HEMK2: variants seen among roughly 807,000 people sequenced by gnomAD.
HEMK2 encodes the protein methyltransferase HEMK2.
chr21:28,754,032 GTGTT>G, the HEMK2 span, among the ~76,000 whole-genome samples: 71 of 152,252 alleles, frequency 4.7e-4, no homozygotes, highest in Non-Finnish European at 9.4e-4. Flanking sequence ...CATTCAGTAC[GTGTT>G]TGGAGTGAAG....
chr21:28,669,683 C>G, the HEMK2 span, among the ~76,000 whole-genome samples: 1 of 152,202 alleles, frequency 6.6e-6, no homozygotes, highest in African/African-American at 2.4e-5. Context: ...CCAAGCCCAG[C>G]TGGACCCAAC....
the HEMK2 span, among the ~76,000 whole-genome samples, chr21:28,622,059 C>A: frequency 1.3e-5 from 2 of 152,182 alleles, no homozygotes; most frequent in South Asian, 2.1e-4. Flanking sequence ...TCATTTTGAG[C>A]CTATGTATGT....
At chr21:28,868,047 G>C in the HEMK2 span, among the ~76,000 whole-genome samples, 3 of 152,088 alleles carry the variant, frequency 2.0e-5, no homozygotes, top group Non-Finnish European at 1.5e-5. Flanking sequence ...TTGTTCTGCA[G>C]TTCCATTTCA....
At chr21:28,763,352 C>G in the HEMK2 span, among the ~76,000 whole-genome samples, 37 of 152,226 alleles carry the variant, frequency 2.4e-4, no homozygotes, top group African/African-American at 7.0e-4. Context: ...GAAGCTGAAG[C>G]AGGAACAAGC....
the HEMK2 span, among the ~76,000 whole-genome samples, chr21:28,784,372 T>C: frequency 1.3e-5 from 2 of 152,102 alleles, no homozygotes; most frequent in African/African-American, 4.8e-5. Flanking sequence ...ATCAGCACCC[T>C]GTGTCTAGCT....
At chr21:28,773,872 C>A in the HEMK2 span, among the ~76,000 whole-genome samples, 1 of 152,240 alleles carries the variant, frequency 6.6e-6, no homozygotes, top group Admixed American at 6.5e-5. Context: ...TCCCAAGCTG[C>A]AATCTGTGGC....
the HEMK2 span, among the ~76,000 whole-genome samples, chr21:28,831,651 G>GA: frequency 1.6e-4 from 5 of 32,032 alleles, no homozygotes; most frequent in South Asian, 1.1e-3. Context: ...AAGAAAGAAA[G>GA]AAAGAAAGAA....
At chr21:28,808,206 G>C in the HEMK2 span, among the ~76,000 whole-genome samples, 15 of 152,226 alleles carry the variant, frequency 9.9e-5, no homozygotes, top group African/African-American at 2.9e-4. Flanking sequence ...ACTCCCATGA[G>C]GAGTACTGTT....
the HEMK2 span, among the ~76,000 whole-genome samples, chr21:28,619,783 T>TTTGGGTTTGGGTTGCTAAGGAC: frequency 6.6e-6 from 1 of 152,202 alleles, no homozygotes; most frequent in South Asian, 2.1e-4. Context: ...ATGGTTTCAA[T>TTTGGGTTTGGGTTGCTAAGGAC]TTGGGTTTGG....
the HEMK2 span, among the ~76,000 whole-genome samples, chr21:28,824,646 T>C: frequency 6.6e-6 from 1 of 151,980 alleles, no homozygotes; most frequent in East Asian, 1.9e-4. Context: ...TTCCCAGAAA[T>C]AAAAAAAGAG....
the HEMK2 span, among the ~76,000 whole-genome samples, chr21:28,833,733 G>A: frequency 5.9e-5 from 9 of 152,172 alleles, no homozygotes; most frequent in African/African-American, 2.2e-4. Context: ...TTTGGACAAG[G>A]CCAGGCAAGG....
At chr21:28,799,034 C>G in the HEMK2 span, among the ~76,000 whole-genome samples, 9,405 of 152,174 alleles carry the variant, frequency 0.062, 466 homozygotes, top group East Asian at 0.22. Context: ...GGTTTTCCAA[C>G]TGCACTGTGC....
chr21:28,750,081 C>T, the HEMK2 span, among the ~76,000 whole-genome samples: 9 of 152,170 alleles, frequency 5.9e-5, no homozygotes, highest in African/African-American at 1.9e-4. Context: ...TGAGTAAATG[C>T]TTCTGAAATA....
chr21:28,884,483 T>TC, the HEMK2 span, among the ~76,000 whole-genome samples: 27 of 152,344 alleles, frequency 1.8e-4, no homozygotes, highest in African/African-American at 6.0e-4. Context: ...CAACCCAAAT[T>TC]CCTTACATTT....
At chr21:28,816,336 C>A in the HEMK2 span, among the ~76,000 whole-genome samples, 1 of 152,088 alleles carries the variant, frequency 6.6e-6, no homozygotes, top group East Asian at 1.9e-4. Context: ...TAATTTGTGT[C>A]AAGATCTATA....
At chr21:28,631,043 A>G in the HEMK2 span, among the ~76,000 whole-genome samples, 9 of 152,184 alleles carry the variant, frequency 5.9e-5, no homozygotes, top group Non-Finnish European at 1.2e-4. Flanking sequence ...AATCTCCCCA[A>G]ACAAAGTATG....
At chr21:28,765,153 C>T in the HEMK2 span, among the ~76,000 whole-genome samples, 56 of 152,058 alleles carry the variant, frequency 3.7e-4, no homozygotes, top group Non-Finnish European at 6.5e-4. Context: ...GAGTGACCTC[C>T]AGCTAACAAC....
chr21:28,837,819 A>C, the HEMK2 span, among the ~76,000 whole-genome samples: 1 of 152,220 alleles, frequency 6.6e-6, no homozygotes, highest in Admixed American at 6.5e-5. Flanking sequence ...AAGAAGAAAG[A>C]AAATCCAAAT....
At chr21:28,671,559 A>C in the HEMK2 span, among the ~76,000 whole-genome samples, 3 of 152,220 alleles carry the variant, frequency 2.0e-5, no homozygotes, top group Non-Finnish European at 4.4e-5. Context: ...CCCAGCCCAG[A>C]AGACTATGAT....
Sources: gnomAD v4.1 joint callset for allele counts (sites outside exome capture counted in the v4.1 genomes callset) on GRCh38, gnomAD v4.1.1 for gene constraint, MANE v1.5 for transcripts, NCBI Gene and HGNC (gene_info 2026-07-23, HGNC 2026-07-21) for gene names.